Variants in SAMD9L observed in about 807,000 individuals in gnomAD.
SAMD9L encodes sterile alpha motif domain-containing protein 9-like.
A neutral mutation model predicts 90.7 loss-of-function variants in SAMD9L; 68 were observed. That is an observed-to-expected ratio of 0.75 (90% CI 0.62 to 0.92). The LOEUF is 0.92. Among genes scored for constraint, SAMD9L ranks in the 40% least tolerant of loss-of-function variants. SAMD9L has a pLI of 0.00. For missense variants in SAMD9L, 1,604 were observed against 1,824.3 expected (o/e 0.88, Z 2.20); for synonymous variants, 640 against 630.1 (o/e 1.02, Z -0.23).
In SAMD9L at chr7:93,134,179, A is replaced by G. The variant is rs1176331023; in HGVS notation, c.1793T>C (p.Met598Thr). Residue 598 changes from methionine (M) to threonine (T), a missense_variant, in exon 5 of 5, where the codon ATG (methionine) becomes ACG (threonine). Transcript: ENST00000318238. ...QRWKDLLQTR[M>T]KMEDELTNHS... ...GTTTGTTAGTTCATCTTCCATCTTC[A>G]TTCTTGTTTGTAGTAGATCTTTCCA... The G allele has an allele frequency of 2.5e-6, 4 of 1,613,630 alleles. No individual in the cohort carries two copies. In the East Asian group the frequency reaches 6.7e-5, roughly 27 times the overall value.
At position 93,132,376 on chromosome 7, in the gene SAMD9L, C is replaced by T; in HGVS notation, c.3596G>A (p.Gly1199Asp). 1 of 1,613,854 alleles carries T rather than the reference C, an allele frequency of 6.2e-7. No individual in the cohort carries two copies. The stretch of plus-strand genomic sequence containing the variant: ...AGTGTAAAGACCAACTTCTATTTCA[C>T]CCAAGAAACAAGCTGTGTTATACAT... Reference protein sequence around the residue: ...YDMYNTACFLGEIEVGLYTIQ... With the variant: ...YDMYNTACFLDEIEVGLYTIQ... The change falls in exon 5 of 5, where the codon GGT becomes GAT. Residue 1199 changes from glycine to aspartate, a missense_variant. Physicochemically the swap from Gly to Asp is moderately conservative, Grantham distance 94 (BLOSUM62 -1). Around this residue, in one of 7 missense-constraint regions of SAMD9L, gnomAD observed 302 missense variants for 314.7 expected, o/e 0.96. Transcript: ENST00000318238.
rs1053923190 is a variant in SAMD9L, at chr7:93,134,617, A to C, written c.1355T>G (p.Ile452Ser). The change falls in exon 5 of 5, where the codon ATC (isoleucine) becomes AGC (serine). Residue 452 changes from isoleucine (I) to serine (S), a missense_variant. Physicochemically the swap from Ile to Ser is moderately radical, Grantham distance 142. This residue lies in a region of SAMD9L where 606 missense variants were observed against 717.6 expected (regional missense o/e 0.84). Coordinates refer to ENST00000318238, the MANE Select transcript of SAMD9L (RefSeq NM_152703.5). ...AVLEFDPESMINGVVKAYKES... is the reference protein window; with the variant it reads ...AVLEFDPESMSNGVVKAYKES... ...TTTGTAAGCTTTGACCACTCCATTG[A>C]TCATAGATTCAGGATCAAACTCCAA... The C allele has an allele frequency of 3.7e-6, 6 of 1,613,866 alleles. No individual in the cohort carries two copies. In the African/African-American group the frequency reaches 8.0e-5, roughly 22 times the overall value.
chr7:93,135,675 T>C lies in SAMD9L; in HGVS notation c.297A>G (p.Glu99=), dbSNP rs746822036. The part of the protein sequence containing the change: ...QLDNSKPSKT[E]HQKNPKHTKK... ...TGGTGTGTTTTGGATTTTTCTGGTG[T>C]TCTGTTTTGGACGGTTTTGAATTAT... Residue 99 remains glutamate (E), a synonymous_variant, in exon 5 of 5, where the codon GAA becomes GAG. Coordinates refer to ENST00000318238, the MANE Select transcript of SAMD9L (RefSeq NM_152703.5). The C allele has an allele frequency of 1.2e-6, 2 of 1,613,978 alleles. No individual in the cohort carries two copies. Among genetic ancestry groups the C allele is most frequent in the East Asian group, 2.2e-5 (1 of 44,884 alleles).
rs753217547 is a variant in SAMD9L, at chr7:93,132,063, G to T, written c.3909C>A (p.Tyr1303Ter). Residue 1303 changes from tyrosine (Y) to a stop codon, truncating the protein, a stop_gained, in exon 5 of 5, where the codon TAC becomes TAA. Transcript: ENST00000318238. LOFTEE classifies it high-confidence loss of function. ...GATCCAAATGACAGAAAAGTTCTGTGTATTTCCTGAAACAACGACTGACTT... is the reference window on the plus strand; with the variant it reads ...GATCCAAATGACAGAAAAGTTCTGTTTATTTCCTGAAACAACGACTGACTT... ...SKKVSRCFRK[Y>*]TELFCHLDPC... 6.2e-7 allele frequency: 1 copy of T among 1,613,636 alleles called. No homozygotes were observed. The highest frequency in any genetic ancestry group is 1.7e-5 in the Admixed American group (1 of 59,900).
At position 93,133,340 on chromosome 7, in the gene SAMD9L, T is replaced by C; in HGVS notation, c.2632A>G (p.Lys878Glu). ...AFGAKLKEIE[K>E]QHKNCENFYS... ...AAGTTTTCACAGTTCTTGTGCTGCTTTTCAATTTCCTTCAGTTTGGCACCA... is the reference window on the plus strand; with the variant it reads ...AAGTTTTCACAGTTCTTGTGCTGCTCTTCAATTTCCTTCAGTTTGGCACCA... Residue 878 changes from lysine to glutamate, a missense_variant, in exon 5 of 5, where the codon AAG (lysine) becomes GAG (glutamate). This residue lies in a region of SAMD9L where 606 missense variants were observed against 717.6 expected (regional missense o/e 0.84). Transcript: ENST00000318238. 2 of 1,613,154 alleles carry C rather than the reference T, an allele frequency of 1.2e-6. No individual in the cohort carries two copies. Among genetic ancestry groups the C allele is most frequent in the South Asian group, 1.1e-5 (1 of 90,968 alleles).
At chr7:93,136,556 C>G (rs1320695537) in intron 4 of SAMD9L, among the ~76,000 whole-genome samples, 3 of 152,118 alleles carry the variant, frequency 2.0e-5, no homozygotes, top group Non-Finnish European at 4.4e-5. Flanking sequence ...ATTTGATTGG[C>G]TAATTCTTGT....
In SAMD9L at chr7:93,135,813, C is replaced by T. The variant is rs775525641; in HGVS notation, c.159G>A (p.Lys53=). The part of the protein sequence containing the change: ...TGLVLQELTE[K]DLVEMGLPWG... ...ATGGTAGCCCCATTTCTACAAGGTCCTTCTCAGTTAATTCCTGCAGGACTA... is the reference window on the plus strand; with the variant it reads ...ATGGTAGCCCCATTTCTACAAGGTCTTTCTCAGTTAATTCCTGCAGGACTA... Residue 53 remains lysine, a synonymous_variant, in exon 5 of 5, where the codon AAG becomes AAA. Coordinates refer to ENST00000318238, the MANE Select transcript of SAMD9L (RefSeq NM_152703.5). 1.2e-5 allele frequency: 20 copies of T among 1,613,916 alleles called. No homozygotes were observed. In the East Asian group the frequency reaches 3.8e-4, roughly 31 times the overall value.
rs1178491962 is a variant in SAMD9L, at chr7:93,131,894, T to C, written c.4078A>G (p.Ile1360Val). Residue 1360 changes from isoleucine to valine, a missense_variant, in exon 5 of 5, where the codon ATA (isoleucine) becomes GTA (valine). Physicochemically the swap from Ile to Val is conservative, Grantham distance 29. This residue lies in a region of SAMD9L where 282 missense variants were observed against 329.6 expected (regional missense o/e 0.86). Coordinates refer to ENST00000318238, the MANE Select transcript of SAMD9L (RefSeq NM_152703.5). Reference protein sequence around the residue: ...NYKDATTMESIVNEYAFLLQQ... With the variant: ...NYKDATTMESVVNEYAFLLQQ... Reference sequence around the variant, plus strand: ...AGTAGGAAGGCATATTCATTCACTATACTTTCCATGGTGGTAGCATCTTTG... The same window carrying C: ...AGTAGGAAGGCATATTCATTCACTACACTTTCCATGGTGGTAGCATCTTTG... The C allele has an allele frequency of 6.2e-7, 1 of 1,612,520 alleles. No individual in the cohort carries two copies. Among genetic ancestry groups the C allele is most frequent in the East Asian group, 2.2e-5 (1 of 44,886 alleles).
At position 93,131,401 on chromosome 7, in the gene SAMD9L, C is replaced by T. The variant is rs138088725; in HGVS notation, c.4571G>A (p.Arg1524His). ...CTTGCCTTCAGCCTGACCAGTTAGA[C>T]GACGCAGGAGGTCTTTGACTTCATT... ...KKNEVKDLLR[R>H]LTGQAEGKLI... The change falls in exon 5 of 5, where the codon CGT (arginine) becomes CAT (histidine). Residue 1524 changes from arginine to histidine, a missense_variant. This residue lies in a region of SAMD9L where 282 missense variants were observed against 329.6 expected (regional missense o/e 0.86). Coordinates refer to ENST00000318238, the MANE Select transcript of SAMD9L (RefSeq NM_152703.5). 68 of 1,613,622 alleles carry T rather than the reference C, an allele frequency of 4.2e-5. No homozygotes were observed. The Middle Eastern group carries it at 5.0e-4, about 12-fold the overall frequency.
chr7:93,144,632 C>T (rs1437545871), intron 4 of SAMD9L, 100 bp downstream of exon 4: 1 of 152,180 alleles, frequency 6.6e-6, no homozygotes, highest in Non-Finnish European at 1.5e-5. Flanking sequence ...ATTTTTCTCT[C>T]TTTAGGGACT....
rs751985273 is a variant in SAMD9L at position 93,131,886 on chromosome 7, A to G, written c.4086T>C (p.Asn1362=). The change falls in exon 5 of 5, where the codon AAT becomes AAC. Residue 1362 remains asparagine, a synonymous_variant. Coordinates refer to ENST00000318238, the MANE Select transcript of SAMD9L (RefSeq NM_152703.5). ...TTTGCTGCAGTAGGAAGGCATATTCATTCACTATACTTTCCATGGTGGTAG... is the reference window on the plus strand; with the variant it reads ...TTTGCTGCAGTAGGAAGGCATATTCGTTCACTATACTTTCCATGGTGGTAG... ...KDATTMESIV[N]EYAFLLQQNS... 2 of 1,612,396 alleles carry G rather than the reference A, an allele frequency of 1.2e-6. No individual in the cohort carries two copies. The highest frequency in any genetic ancestry group is 1.7e-5 in the Admixed American group (1 of 59,972).
In SAMD9L at chr7:93,134,111, T is replaced by C; in HGVS notation, c.1861A>G (p.Ile621Val). The C allele has an allele frequency of 1.2e-6, 2 of 1,613,976 alleles. No homozygotes were observed. The highest frequency in any genetic ancestry group is 2.2e-5 in the South Asian group (2 of 91,082). ...TLNIELVNST[I>V]LKLKSVTRSS... ...CGAGTCACCGATTTTAGTTTAAGGA[T>C]AGTGCTGTTTACCAGTTCTATATTT... Residue 621 changes from isoleucine to valine, a missense_variant, in exon 5 of 5, where the codon ATC becomes GTC. This residue lies in a region of SAMD9L where 606 missense variants were observed against 717.6 expected (regional missense o/e 0.84). Transcript: ENST00000318238.
chr7:93,140,787 G>A (rs146790904), intron 4 of SAMD9L, among the ~76,000 whole-genome samples: 312 of 152,296 alleles, frequency 2.0e-3, no homozygotes, highest in African/African-American at 6.8e-3. Flanking sequence ...AGTAGCCCTT[G>A]CATCCCTCTC....
chr7:93,131,683 G>C lies in SAMD9L; in HGVS notation c.4289C>G (p.Ala1430Gly), dbSNP rs769558549. The C allele has an allele frequency of 6.2e-7, 1 of 1,613,858 alleles. No individual in the cohort carries two copies. The part of the protein sequence containing the change: ...SHQYPGPYFL[A>G]CLLFWPENQE... ...ATTTTCTGGCCAGAACAGGAGGCAG[G>C]CCAAGAAATAAGGACCTGGATATTG... The change falls in exon 5 of 5, where the codon GCC (alanine) becomes GGC (glycine). Residue 1430 changes from alanine to glycine, a missense_variant. Transcript: ENST00000318238.
At chr7:93,148,146 C>T (rs1383058883) in intron 1 of SAMD9L, 48 bp downstream of exon 1, 3 of 152,200 alleles carry the variant, frequency 2.0e-5, no homozygotes, top group Admixed American at 6.5e-5. Flanking sequence ...AAATAGCTGT[C>T]GCCTCAAAAG....
intron 4 of SAMD9L, among the ~76,000 whole-genome samples, chr7:93,138,512 A>G (rs1231620571): frequency 1.3e-5 from 2 of 152,180 alleles, no homozygotes; most frequent in African/African-American, 4.8e-5. Flanking sequence ...GAAGGAGTCT[A>G]GGCCTAGGAT....
At chr7:93,138,281 T>C (rs1197846862) in intron 4 of SAMD9L, among the ~76,000 whole-genome samples, 1 of 152,210 alleles carries the variant, frequency 6.6e-6, no homozygotes, top group Admixed American at 6.5e-5. Flanking sequence ...TCTTAAGTAG[T>C]GTCATCTGTT....
Position 93,133,798 on chromosome 7 carries a change from C to A in SAMD9L, c.2174G>T (p.Trp725Leu), listed in dbSNP as rs1481288664. 2 of 1,613,750 alleles carry A rather than the reference C, an allele frequency of 1.2e-6. No homozygotes were observed. Among genetic ancestry groups the A allele is most frequent in the Admixed American group, 3.3e-5 (2 of 59,968 alleles). Residue 725 changes from tryptophan to leucine, a missense_variant, in exon 5 of 5, where the codon TGG becomes TTG. Transcript: ENST00000318238. ...YEKLKDLIHC[W>L]AESPKPIFAK... is the part of the protein sequence containing the mutation. ...AAATATTGGTTTAGGAGACTCTGCC[C>A]AGCAGTGTATTAAATCTTTAAGCTT...
At position 93,132,003 on chromosome 7, in the gene SAMD9L, G is replaced by C. The variant is rs1438932862; in HGVS notation, c.3969C>G (p.Leu1323=). The part of the protein sequence containing the change: ...CLLQSKESQL[L]QEENCRKKLE... ...GCTTTTTCCTGCAATTCTCCTCCTG[G>C]AGTAATTGACTCTCTTTACTTTGTA... The change falls in exon 5 of 5, where the codon CTC becomes CTG. Residue 1323 remains leucine, a synonymous_variant. Coordinates refer to ENST00000318238, the MANE Select transcript of SAMD9L (RefSeq NM_152703.5). 1.2e-5 allele frequency: 19 copies of C among 1,612,700 alleles called. No individual in the cohort carries two copies. Among genetic ancestry groups the C allele is most frequent in the Non-Finnish European group, 1.6e-5 (19 of 1,179,656 alleles).
Sources: gnomAD v4.1 joint callset for allele counts (sites outside exome capture counted in the v4.1 genomes callset) on GRCh38, gnomAD v4.1.1 for gene constraint, gnomAD v4.1.1 regional missense constraint, MANE v1.5 for transcripts, NCBI Gene and HGNC (gene_info 2026-07-23, HGNC 2026-07-21) for gene names.